The following LRIG1 variants were observed in gnomAD, a reference collection of about 807,000 sequenced individuals.
The protein encoded by LRIG1 is leucine-rich repeats and immunoglobulin-like domains protein 1.
A neutral mutation model predicts 99.2 loss-of-function variants in LRIG1; 48 were observed. The observed-to-expected ratio is 0.48, with a 90% confidence interval of 0.38 to 0.62. LRIG1 has a LOEUF of 0.62. LRIG1 is among the 20% of genes least tolerant of loss of function. The pLI is 0.00. For missense variants in LRIG1, 1,646 were observed against 1,434.4 expected (o/e 1.15, Z -2.38); for synonymous variants, 772 against 596.1 (o/e 1.29, Z -4.30).
At position 66,381,026 on chromosome 3, in the gene LRIG1, G is replaced by C. The variant is rs1701024681; in HGVS notation, c.2771-165C>G. The stretch of plus-strand genomic sequence containing the variant: ...CAACTATGTCCCCAGAGAAAGGACT[G>C]GGCAAACACCAAGTCACTCATGAAC... On this transcript the variant is annotated intron_variant, in intron 17 of 18. Coordinates refer to ENST00000273261, the MANE Select transcript of LRIG1 (RefSeq NM_015541.3). 13 of 669,976 alleles carry C rather than the reference G, an allele frequency of 1.9e-5. No homozygotes were observed. The South Asian group carries it at 2.5e-4, about 13-fold the overall frequency. The allele number at this position is 669,976 out of a possible 1,614,324, so 41.5% of individuals were successfully genotyped here.
chr3:66,455,014 G>A (rs529383757), intron 2 of LRIG1, among the ~76,000 whole-genome samples: 2 of 152,236 alleles, frequency 1.3e-5, no homozygotes, highest in African/African-American at 4.8e-5. Context: ...GCATGATCTC[G>A]GCTCACTGTA....
chr3:66,405,615 C>A, intron 8 of LRIG1: 1 of 685,366 alleles, frequency 1.5e-6, no homozygotes, highest in East Asian at 5.6e-5. Flanking sequence ...CACTGAGAAT[C>A]AACCCAAAAG....
intron 1 of LRIG1, among the ~76,000 whole-genome samples, chr3:66,470,374 A>C (rs1450238511): frequency 6.6e-6 from 1 of 152,240 alleles, no homozygotes; most frequent in African/African-American, 2.4e-5. Flanking sequence ...ATTTCAGCTA[A>C]GCCTAGAAGA....
intron 12 of LRIG1, among the ~76,000 whole-genome samples, chr3:66,392,990 T>G (rs1283836686): frequency 6.6e-6 from 1 of 152,180 alleles, no homozygotes; most frequent in East Asian, 1.9e-4. Flanking sequence ...GTTTAAGACG[T>G]GTCCCTGGTC....
intron 8 of LRIG1, chr3:66,405,959 G>C: frequency 1.0e-6 from 1 of 996,970 alleles, no homozygotes; most frequent in South Asian, 4.4e-5. Context: ...CCAGGAGCAG[G>C]TCACAGTGCC....
chr3:66,381,583 C>G lies in LRIG1; in HGVS notation c.2666G>C (p.Ser889Thr), dbSNP rs748890212. The G allele has an allele frequency of 6.2e-7, 1 of 1,614,156 alleles. No individual in the cohort carries two copies. Among genetic ancestry groups the G allele is most frequent in the South Asian group, 1.1e-5 (1 of 91,080 alleles). Residue 889 changes from serine (S) to threonine (T), a missense_variant, in exon 17 of 19, where the codon AGC becomes ACC. Transcript: ENST00000273261. ...ASHFPEPDTH[S>T]VACRQPKLCA... Reference sequence around the variant, plus strand: ...GAGCTTTGGCTGCCTGCAGGCAACGCTGTGAGTGTCGGGCTCTGGAAAGTG... The same window carrying G: ...GAGCTTTGGCTGCCTGCAGGCAACGGTGTGAGTGTCGGGCTCTGGAAAGTG...
At chr3:66,491,558 C>T (rs11917940) in intron 1 of LRIG1, among the ~76,000 whole-genome samples, 5,307 of 152,094 alleles carry the variant, frequency 0.035, 310 homozygotes, top group African/African-American at 0.12. Flanking sequence ...CTTACCAAAA[C>T]GCCCTTTGGA....
At chr3:66,440,078 T>C (rs1002873732) in intron 3 of LRIG1, among the ~76,000 whole-genome samples, 1 of 151,968 alleles carries the variant, frequency 6.6e-6, no homozygotes, top group African/African-American at 2.4e-5. Flanking sequence ...ATGATAGTTA[T>C]GAGAGGGGAG....
At position 66,412,928 on chromosome 3, in the gene LRIG1, T is replaced by C; in HGVS notation, c.734A>G (p.Asn245Ser). 1 of 1,614,232 alleles carries C rather than the reference T, an allele frequency of 6.2e-7. No individual in the cohort carries two copies. Among genetic ancestry groups the C allele is most frequent in the Non-Finnish European group, 8.5e-7 (1 of 1,180,032 alleles). The change falls in exon 6 of 19, where the codon AAC (asparagine) becomes AGC (serine). Residue 245 changes from asparagine (N) to serine (S), a missense_variant. By Grantham distance (46) the Asn-to-Ser change is conservative. Coordinates refer to ENST00000273261, the MANE Select transcript of LRIG1 (RefSeq NM_015541.3). ...NSLEVLKLQR[N>S]NISKLTDGAF... ...CCCATCTGTCAGTTTGCTGATGTTG[T>C]TTCGCTGAAGCTTCAGCACCTCCAA...
chr3:66,499,890 T>A (rs9857143), intron 1 of LRIG1, among the ~76,000 whole-genome samples: 1 of 107,174 alleles, frequency 9.3e-6, no homozygotes, highest in African/African-American at 3.6e-5. Flanking sequence ...CACCCCCAGA[T>A]GGCCCGCACG....
intron 4 of LRIG1, 29 bp from the exon 5 acceptor site, chr3:66,415,092 T>A: frequency 6.4e-7 from 1 of 1,574,586 alleles, no homozygotes; most frequent in Non-Finnish European, 8.6e-7. Context: ...GAAAATGTGG[T>A]GGTTGGTCAA....
At chr3:66,468,073 T>C (rs1011787936) in intron 1 of LRIG1, among the ~76,000 whole-genome samples, 4 of 152,214 alleles carry the variant, frequency 2.6e-5, no homozygotes, top group African/African-American at 9.7e-5. Flanking sequence ...TTCTATAGGC[T>C]TAAACGGTAT....
Position 66,383,392 on chromosome 3 carries a change from G to T in LRIG1, c.2081C>A (p.Ser694Tyr). 6.4e-7 allele frequency: 1 copy of T among 1,557,730 alleles called. No individual in the cohort carries two copies. The highest frequency in any genetic ancestry group is 8.7e-7 in the Non-Finnish European group (1 of 1,146,716). The stretch of plus-strand genomic sequence containing the variant: ...ACGGTCTTCCAAGGGGACCACCAAG[G>T]ATGGGGTCTCTACAAGAGAGCAACA... ...NATLTVLETP[S>Y]LVVPLEDRVV... Residue 694 changes from serine to tyrosine, a missense_variant, in exon 15 of 19, where the codon TCC (serine) becomes TAC (tyrosine). Coordinates refer to ENST00000273261, the MANE Select transcript of LRIG1 (RefSeq NM_015541.3).
chr3:66,422,287 G>C (rs577639021), intron 3 of LRIG1, among the ~76,000 whole-genome samples: 291 of 152,276 alleles, frequency 1.9e-3, no homozygotes, highest in Non-Finnish European at 3.5e-3. Flanking sequence ...CTATTGCATT[G>C]TCAGGCTGCA....
At chr3:66,497,090 C>T (rs1273242718) in intron 1 of LRIG1, among the ~76,000 whole-genome samples, 1 of 152,222 alleles carries the variant, frequency 6.6e-6, no homozygotes, top group Non-Finnish European at 1.5e-5. Flanking sequence ...GATAACCACA[C>T]TTGGTATACA....
intron 3 of LRIG1, among the ~76,000 whole-genome samples, chr3:66,418,610 G>A (rs1301951778): frequency 1.3e-5 from 2 of 152,164 alleles, no homozygotes; most frequent in South Asian, 2.1e-4. Flanking sequence ...TAGGTTGCAG[G>A]CACTGGCACT....
At chr3:66,472,114 C>A (rs965053652) in intron 1 of LRIG1, among the ~76,000 whole-genome samples, 2 of 151,972 alleles carry the variant, frequency 1.3e-5, no homozygotes, top group Non-Finnish European at 2.9e-5. Flanking sequence ...ACCATCCTGG[C>A]TAACACGATG....
intron 4 of LRIG1, 62 bp downstream of exon 4, chr3:66,417,067 T>C (rs1702636247): frequency 3.1e-6 from 5 of 1,593,166 alleles, no homozygotes; most frequent in Middle Eastern, 3.6e-4. Flanking sequence ...TGGGTGCCGG[T>C]GAAGCTGTTA....
chr3:66,384,082 A>G lies in LRIG1; in HGVS notation c.1980T>C (p.Thr660=). The G allele has an allele frequency of 6.2e-7, 1 of 1,614,116 alleles. No individual in the cohort carries two copies. The highest frequency in any genetic ancestry group is 8.5e-7 in the Non-Finnish European group (1 of 1,180,028). The change falls in exon 14 of 19, where the codon ACT becomes ACC. Residue 660 remains threonine (T), a synonymous_variant. Coordinates refer to ENST00000273261, the MANE Select transcript of LRIG1 (RefSeq NM_015541.3). ...CCCCTGCGTCATCTATTTTCACATC[A>G]GTGATGAAAAACACGTCGTCATCCG... ...VMPDDDVFFI[T]DVKIDDAGVY...
Sources: gnomAD v4.1 joint callset for allele counts (sites outside exome capture counted in the v4.1 genomes callset) on GRCh38, gnomAD v4.1.1 for gene constraint, MANE v1.5 for transcripts, NCBI Gene and HGNC (gene_info 2026-07-23, HGNC 2026-07-21) for gene names.